CSMD1: variants seen among roughly 807,000 people sequenced by gnomAD.
CSMD1 encodes the protein CUB and Sushi multiple domains 1, also known as CUB and sushi domain-containing protein 1.
A neutral mutation model predicts 417.5 loss-of-function variants in CSMD1; 213 were observed. That is an observed-to-expected ratio of 0.51 (90% CI 0.46 to 0.57). The LOEUF is 0.57. CSMD1 is among the 20% of genes least tolerant of loss of function. The probability of loss-of-function intolerance (pLI) is 0.00; values close to 1 mark genes in which losing one functional copy is unlikely to be tolerated. For missense variants in CSMD1, 6,923 were observed against 4,529.7 expected (o/e 1.53, Z -15.17); for synonymous variants, 2,862 against 1,736.8 (o/e 1.65, Z -16.11).
At chr8:3,258,901 T>C in intron 26 of CSMD1, among the ~76,000 whole-genome samples, 1 of 152,100 alleles carries the variant, frequency 6.6e-6, no homozygotes, top group Non-Finnish European at 1.5e-5. Flanking sequence ...TGAGAACACA[T>C]GGACACATAA....
chr8:3,710,962 T>C (rs556128738), intron 6 of CSMD1, among the ~76,000 whole-genome samples: 1 of 152,220 alleles, frequency 6.6e-6, no homozygotes, highest in East Asian at 1.9e-4. Context: ...CCCGAAGCAA[T>C]GCCGCCAGCT....
At chr8:4,043,723 A>G (rs893118143) in intron 3 of CSMD1, among the ~76,000 whole-genome samples, 1 of 152,162 alleles carries the variant, frequency 6.6e-6, no homozygotes, top group Admixed American at 6.5e-5. Context: ...TTAAAATAAG[A>G]TTTATTACTA....
At chr8:4,210,373 T>C (rs1347281432) in intron 3 of CSMD1, among the ~76,000 whole-genome samples, 1 of 152,222 alleles carries the variant, frequency 6.6e-6, no homozygotes, top group Non-Finnish European at 1.5e-5. Context: ...GACATTCAAA[T>C]CCAACTTTTT....
chr8:4,748,629 A>C (rs1811107830), intron 1 of CSMD1, among the ~76,000 whole-genome samples: 1 of 152,192 alleles, frequency 6.6e-6, no homozygotes, highest in Non-Finnish European at 1.5e-5. Flanking sequence ...TAAATTATTT[A>C]TTGACTGGAA....
chr8:4,613,448 C>G (rs948602729), intron 2 of CSMD1, among the ~76,000 whole-genome samples: 1 of 152,128 alleles, frequency 6.6e-6, no homozygotes, highest in African/African-American at 2.4e-5. Context: ...CCTCCAGAAC[C>G]AAGTTTGCTG....
chr8:4,312,965 G>C (rs1158652163), intron 3 of CSMD1, among the ~76,000 whole-genome samples: 1 of 152,196 alleles, frequency 6.6e-6, no homozygotes, highest in Non-Finnish European at 1.5e-5. Flanking sequence ...CCCATAATTT[G>C]ACCTGCAAGG....
At chr8:4,060,025 T>A (rs1315719292) in intron 3 of CSMD1, among the ~76,000 whole-genome samples, 1 of 152,096 alleles carries the variant, frequency 6.6e-6, no homozygotes, top group Non-Finnish European at 1.5e-5. Context: ...CTTGATGAAG[T>A]TTGATGCAAA....
intron 1 of CSMD1, among the ~76,000 whole-genome samples, chr8:4,749,153 T>G (rs1209838322): frequency 6.6e-6 from 1 of 152,238 alleles, no homozygotes; most frequent in African/African-American, 2.4e-5. Context: ...AGTCATAGAT[T>G]ATCACAGAAA....
At chr8:3,514,568 A>T (rs1797210120) in intron 10 of CSMD1, among the ~76,000 whole-genome samples, 1 of 152,230 alleles carries the variant, frequency 6.6e-6, no homozygotes. Flanking sequence ...AGTTGGGGGA[A>T]TATTCCTAAA....
At chr8:4,860,426 G>A (rs911991053) in intron 1 of CSMD1, among the ~76,000 whole-genome samples, 2 of 151,214 alleles carry the variant, frequency 1.3e-5, no homozygotes, top group African/African-American at 4.9e-5. Flanking sequence ...AAAAAAAAGT[G>A]TGTGCCACTC....
At chr8:3,831,297 G>A (rs1238418837) in intron 5 of CSMD1, among the ~76,000 whole-genome samples, 5 of 152,156 alleles carry the variant, frequency 3.3e-5, no homozygotes, top group Non-Finnish European at 1.5e-5. Flanking sequence ...GCCCTGGGGA[G>A]CTGTGGCATG....
At chr8:2,979,782 C>T (rs113609012) in intron 54 of CSMD1, among the ~76,000 whole-genome samples, 1 of 152,216 alleles carries the variant, frequency 6.6e-6, no homozygotes, top group African/African-American at 2.4e-5. Flanking sequence ...TCCTAAAACA[C>T]CCCTGAGTTT....
chr8:3,927,183 G>C (rs1279534868), intron 5 of CSMD1, among the ~76,000 whole-genome samples: 2 of 151,740 alleles, frequency 1.3e-5, no homozygotes, highest in African/African-American at 4.8e-5. Context: ...TAATTTATTA[G>C]AGATATTATA....
At chr8:4,030,229 TG>T (rs1797271324) in intron 4 of CSMD1, among the ~76,000 whole-genome samples, 2 of 152,056 alleles carry the variant, frequency 1.3e-5, no homozygotes, top group African/African-American at 4.8e-5. Context: ...AGGGACTCTG[TG>T]GGGGAGCTCT....
chr8:3,212,278 C>T (rs1797655626), intron 30 of CSMD1, among the ~76,000 whole-genome samples: 2 of 152,200 alleles, frequency 1.3e-5, no homozygotes, highest in Non-Finnish European at 2.9e-5. Context: ...ACAATGACTA[C>T]ACTATCAGAA....
chr8:3,703,966 G>T lies in CSMD1; in HGVS notation c.1009+4448C>A, dbSNP rs548023661. ...CACACCTGTACTCCCTGCTATTTGGGAGGCTGAGACAGGAGAATCACATGA... is the reference window on the plus strand; with the variant it reads ...CACACCTGTACTCCCTGCTATTTGGTAGGCTGAGACAGGAGAATCACATGA... On this transcript the variant is annotated intron_variant, in intron 7 of 69. Coordinates refer to ENST00000635120, the MANE Select transcript of CSMD1 (RefSeq NM_033225.6). Among the ~76,000 whole-genome samples the T allele has an allele frequency of 1.1e-4, 16 of 152,278 alleles. 1 individual carries two copies. The East Asian group carries it at 2.9e-3, about 28-fold the overall frequency.
chr8:3,973,913 T>C (rs533003562), intron 5 of CSMD1, among the ~76,000 whole-genome samples: 13 of 152,332 alleles, frequency 8.5e-5, no homozygotes, highest in African/African-American at 1.9e-4. Flanking sequence ...AATGTTTTGA[T>C]ACAGGAATGC....
intron 3 of CSMD1, among the ~76,000 whole-genome samples, chr8:4,067,677 A>G (rs949928782): frequency 1.3e-5 from 2 of 152,126 alleles, no homozygotes; most frequent in Non-Finnish European, 2.9e-5. Flanking sequence ...TCACCACCTA[A>G]CTTGTCCTGT....
chr8:4,174,353 G>C (rs1797924498), intron 3 of CSMD1, among the ~76,000 whole-genome samples: 1 of 152,096 alleles, frequency 6.6e-6, no homozygotes, highest in Non-Finnish European at 1.5e-5. Context: ...TTAAAGTGCA[G>C]TCTCTGAGAG....
Sources: gnomAD v4.1 joint callset for allele counts (sites outside exome capture counted in the v4.1 genomes callset) on GRCh38, gnomAD v4.1.1 for gene constraint, MANE v1.5 for transcripts, NCBI Gene and HGNC (gene_info 2026-07-23, HGNC 2026-07-21) for gene names.